The following PI15 variants were observed in gnomAD, a reference collection of about 807,000 sequenced individuals.
PI15 encodes peptidase inhibitor 15.
PI15 carries 18 observed loss-of-function variants against 31.0 expected under a neutral mutation model. The observed-to-expected ratio is 0.58, with a 90% CI of 0.40 to 0.86. PI15 has a LOEUF of 0.86. PI15 is among the 40% of genes least tolerant of loss of function. The pLI, the probability that PI15 is intolerant of heterozygous loss-of-function variation, is 0.00. For synonymous variants in PI15, 118 were observed against 119.1 expected, an observed-to-expected ratio of 0.99 and a Z score of 0.06; for missense variants, 282 against 328.1, an observed-to-expected ratio of 0.86 and a Z score of 1.09.
intron 5 of PI15, among the ~76,000 whole-genome samples, chr8:74,847,693 AT>A (rs947780531): frequency 2.0e-5 from 3 of 152,058 alleles, no homozygotes; most frequent in Non-Finnish European, 4.4e-5. Flanking sequence ...TTAAGGATAG[AT>A]TTTCCTGTAT....
intron 3 of PI15, chr8:74,844,881 T>C: frequency 2.3e-6 from 1 of 430,532 alleles, no homozygotes; most frequent in Non-Finnish European, 4.1e-6. Flanking sequence ...ATTTTCTTCG[T>C]GGAATGACCA....
chr8:74,839,379 G>A (rs545580076), intron 2 of PI15, among the ~76,000 whole-genome samples: 26 of 152,218 alleles, frequency 1.7e-4, no homozygotes, highest in African/African-American at 5.5e-4. Flanking sequence ...AAACTGCTTG[G>A]AAGCAATAAG....
Position 74,850,663 on chromosome 8 carries a change from G to T in PI15, c.*1410G>T, listed in dbSNP as rs1811092986. ...TTACCAACTTTATTTCTGTGTTTCTGTAGAAGAAACATTTTCAGTTCTTCA... is the reference window on the plus strand; with the variant it reads ...TTACCAACTTTATTTCTGTGTTTCTTTAGAAGAAACATTTTCAGTTCTTCA... On this transcript the variant is annotated 3_prime_UTR_variant, in exon 6 of 6. Transcript: ENST00000260113. 1 of 152,100 alleles carries T rather than the reference G, an allele frequency of 6.6e-6. No homozygotes were observed. The highest frequency in any genetic ancestry group is 2.4e-5 in the African/African-American group (1 of 41,414). The allele number at this position is 152,100 out of a possible 1,614,324, so 9.4% of individuals were successfully genotyped here.
chr8:74,826,282 G>C, intron 2 of PI15: 1 of 974,586 alleles, frequency 1.0e-6, no homozygotes, highest in Non-Finnish European at 1.2e-6. Context: ...ATGATTTAAA[G>C]TCCAGCGTCT....
At chr8:74,831,014 AT>A (rs1810774838) in intron 2 of PI15, among the ~76,000 whole-genome samples, 1 of 152,070 alleles carries the variant, frequency 6.6e-6, no homozygotes, top group African/African-American at 2.4e-5. Flanking sequence ...TTTTGTAGGA[AT>A]TTTCTTCCAC....
intron 2 of PI15, among the ~76,000 whole-genome samples, chr8:74,832,405 C>T (rs181231946): frequency 2.0e-5 from 3 of 152,158 alleles, no homozygotes; most frequent in African/African-American, 7.2e-5. Flanking sequence ...TGGGTATATC[C>T]TTCGGTAGTC....
At chr8:74,831,872 T>G (rs1203985921) in intron 2 of PI15, among the ~76,000 whole-genome samples, 3 of 152,196 alleles carry the variant, frequency 2.0e-5, no homozygotes, top group African/African-American at 7.2e-5. Context: ...ACTCGAGACA[T>G]GGATAAAAAC....
intron 2 of PI15, among the ~76,000 whole-genome samples, chr8:74,838,251 G>T (rs1468570472): frequency 6.6e-6 from 1 of 151,614 alleles, no homozygotes; most frequent in Non-Finnish European, 1.5e-5. Context: ...AAAATGATAA[G>T]AAATCATAAA....
At chr8:74,833,015 A>T (rs1457177317) in intron 2 of PI15, among the ~76,000 whole-genome samples, 1 of 152,108 alleles carries the variant, frequency 6.6e-6, no homozygotes, top group Admixed American at 6.6e-5. Flanking sequence ...TTCCAGAGAG[A>T]TCATGTTTTC....
intron 5 of PI15, among the ~76,000 whole-genome samples, chr8:74,846,151 G>C (rs1811022355): frequency 1.3e-5 from 2 of 152,174 alleles, no homozygotes; most frequent in African/African-American, 4.8e-5. Context: ...ACCAAAATGT[G>C]CAAAGGATTT....
chr8:74,853,218 T>C lies in PI15; in HGVS notation c.*3965T>C, dbSNP rs1026157284. The C allele has an allele frequency of 6.6e-6, 1 of 152,510 alleles. No individual in the cohort carries two copies. Among genetic ancestry groups the C allele is most frequent in the Non-Finnish European group, 1.5e-5 (1 of 67,948 alleles). 9.4% of individuals were successfully genotyped at this position (152,510 alleles called of 1,614,324 possible). Reference sequence around the variant, plus strand: ...TTTTGAAGTTTCTTAGCAATTAAAGTTTTTTTATTCAGTGTGAACTGTCAG... The same window carrying C: ...TTTTGAAGTTTCTTAGCAATTAAAGCTTTTTTATTCAGTGTGAACTGTCAG... On this transcript the variant is annotated 3_prime_UTR_variant, in exon 6 of 6. Coordinates refer to ENST00000260113, the MANE Select transcript of PI15 (RefSeq NM_015886.5).
chr8:74,826,548 G>A (rs912116079), intron 2 of PI15, among the ~76,000 whole-genome samples: 15 of 152,028 alleles, frequency 9.9e-5, no homozygotes, highest in Admixed American at 9.2e-4. Flanking sequence ...GTTCATAGAA[G>A]TACAATTTAG....
chr8:74,846,172 T>C (rs951967803), intron 5 of PI15, among the ~76,000 whole-genome samples: 14 of 152,370 alleles, frequency 9.2e-5, no homozygotes, highest in Admixed American at 3.3e-4. Flanking sequence ...ATGACACTCT[T>C]GGTGTCTTCC....
At chr8:74,843,659 T>A (rs952409670) in intron 2 of PI15, among the ~76,000 whole-genome samples, 5 of 151,886 alleles carry the variant, frequency 3.3e-5, no homozygotes, top group Non-Finnish European at 7.4e-5. Context: ...AGGCTCGGAG[T>A]TCGTGACCGG....
At chr8:74,830,246 A>G (rs1052494784) in intron 2 of PI15, among the ~76,000 whole-genome samples, 4 of 152,038 alleles carry the variant, frequency 2.6e-5, no homozygotes, top group African/African-American at 9.7e-5. Context: ...GATGAGGGAC[A>G]ATGTGAATAT....
chr8:74,830,281 T>C (rs777232103), intron 2 of PI15, among the ~76,000 whole-genome samples: 7 of 151,746 alleles, frequency 4.6e-5, no homozygotes, highest in Non-Finnish European at 7.4e-5. Context: ...ACTGATCACC[T>C]TAAAACTGAA....
chr8:74,841,092 T>C (rs1453054516), intron 2 of PI15, among the ~76,000 whole-genome samples: 1 of 152,162 alleles, frequency 6.6e-6, no homozygotes, highest in East Asian at 1.9e-4. Context: ...CTTTTAAAGT[T>C]GTTAAATGCC....
At chr8:74,844,906 CA>C (rs1397607401) in intron 3 of PI15, 3 of 520,078 alleles carry the variant, frequency 5.8e-6, no homozygotes, top group African/African-American at 3.8e-5. Flanking sequence ...CATGTTTAGA[CA>C]AATACAGAAT....
chr8:74,846,504 C>A (rs887686073), intron 5 of PI15, among the ~76,000 whole-genome samples: 4 of 152,116 alleles, frequency 2.6e-5, no homozygotes, highest in Non-Finnish European at 5.9e-5. Flanking sequence ...CCAATTAGTA[C>A]CCAAATAGTC....
Sources: allele counts gnomAD v4.1 joint callset (sites outside exome capture counted in the v4.1 genomes callset), GRCh38; gene constraint gnomAD v4.1.1; transcripts MANE v1.5; gene names NCBI Gene and HGNC (gene_info 2026-07-23, HGNC 2026-07-21).